Variants in CHRM4 observed in about 807,000 individuals in gnomAD.
The protein encoded by CHRM4 is cholinergic receptor muscarinic 4.
CHRM4 carries 5 observed loss-of-function variants against 26.3 expected under a neutral mutation model. That is an observed-to-expected ratio of 0.19 (90% CI 0.10 to 0.40). The LOEUF (loss-of-function observed/expected upper bound fraction) is 0.40. CHRM4 is among the 10% of genes least tolerant of loss of function. CHRM4 has a pLI of 1.00. For synonymous variants in CHRM4, 290 were observed against 285.3 expected (o/e 1.02, Z -0.16); for missense variants, 402 against 664.5 (o/e 0.60, Z 4.34).
Position 46,385,032 on chromosome 11 carries a change from G to A in CHRM4, c.*86C>T. The A allele has an allele frequency of 6.8e-7, 1 of 1,465,312 alleles. No homozygotes were observed. The highest frequency in any genetic ancestry group is 9.1e-7 in the Non-Finnish European group (1 of 1,101,484). 90.8% of individuals were successfully genotyped at this position (1,465,312 alleles called of 1,614,324 possible). The stretch of plus-strand genomic sequence containing the variant: ...CAAACGTGAACGCAGAATGGTGCCT[G>A]CAACTCTTCCCCACAGCAAGTGAGC... On this transcript the variant is annotated 3_prime_UTR_variant, in exon 2 of 2. Coordinates refer to ENST00000682254, the MANE Select transcript of CHRM4 (RefSeq NM_000741.5). The surrounding 1 kb of genome is among the most constrained non-coding windows in gnomAD (Gnocchi z 6.3).
At position 46,386,958 on chromosome 11, in the gene CHRM4, G is replaced by A. The variant is rs1476750876; in HGVS notation, c.-29-372C>T. 6.6e-6 allele frequency among the ~76,000 whole-genome samples: 1 copy of A among 152,256 alleles called. No individual in the cohort carries two copies. Among genetic ancestry groups the A allele is most frequent in the East Asian group, 1.9e-4 (1 of 5,198 alleles). On this transcript the variant is annotated intron_variant, in intron 1 of 1. Coordinates refer to ENST00000682254, the MANE Select transcript of CHRM4 (RefSeq NM_000741.5). This position sits in a 1 kb window ranked among gnomAD's most constrained non-coding sequence, Gnocchi z 5.8. Reference sequence around the variant, plus strand: ...TCACCCACCAGGTCATCTGGGTGATGAGGAGCCAGCCACAGGAGGAGCTGT... The same window carrying A: ...TCACCCACCAGGTCATCTGGGTGATAAGGAGCCAGCCACAGGAGGAGCTGT...
In CHRM4 at chr11:46,386,583, G is replaced by A. The variant is rs202199431; in HGVS notation, c.-26C>T. On this transcript the variant is annotated 5_prime_UTR_variant, in exon 2 of 2. In the 5' UTR this introduces an upstream ATG that the reference lacks. Coordinates refer to ENST00000682254, the MANE Select transcript of CHRM4 (RefSeq NM_000741.5). This position sits in a 1 kb window ranked among gnomAD's most constrained non-coding sequence, Gnocchi z 5.8. ...GTTGGTTGCCAGGGGTGGGTAGGCC[G>A]TGTCTGGGGAGGAAGGGGAGAGAAA... The A allele has an allele frequency of 3.7e-5, 59 of 1,601,490 alleles. No homozygotes were observed. The highest frequency in any genetic ancestry group is 1.7e-4 in the Middle Eastern group (1 of 6,050).
chr11:46,387,005 C>T (rs2136551008), intron 1 of CHRM4, among the ~76,000 whole-genome samples: 1 of 151,990 alleles, frequency 6.6e-6, no homozygotes, highest in African/African-American at 2.4e-5. Flanking sequence ...CTGCCAGGGG[C>T]AGTAGCCACA....
Position 46,386,090 on chromosome 11 carries a change from G to C in CHRM4, c.468C>G (p.Ala156=). The C allele has an allele frequency of 1.2e-6, 2 of 1,613,504 alleles. No homozygotes were observed. The highest frequency in any genetic ancestry group is 2.2e-5 in the East Asian group (1 of 44,878). Residue 156 remains alanine (A), a synonymous_variant, in exon 2 of 2, where the codon GCC becomes GCG. Coordinates refer to ENST00000682254, the MANE Select transcript of CHRM4 (RefSeq NM_000741.5). This position sits in a 1 kb window ranked among gnomAD's most constrained non-coding sequence, Gnocchi z 5.8. ...TKMAGLMIAA[A]WVLSFVLWAP... is the part of the protein sequence containing the mutation. The stretch of plus-strand genomic sequence containing the variant: ...CCCAGAGCACGAAGGACAGTACCCA[G>C]GCAGCAGCAATCATGAGGCCTGCCA...
In CHRM4 at chr11:46,384,091, C is replaced by T. The variant is rs974225989; in HGVS notation, c.*1027G>A. 1.3e-5 allele frequency among the ~76,000 whole-genome samples: 2 copies of T among 152,224 alleles called. No individual in the cohort carries two copies. Among genetic ancestry groups the T allele is most frequent in the Non-Finnish European group, 2.9e-5 (2 of 68,048 alleles). On this transcript the variant is annotated 3_prime_UTR_variant, in exon 2 of 2. Coordinates refer to ENST00000682254, the MANE Select transcript of CHRM4 (RefSeq NM_000741.5). The stretch of plus-strand genomic sequence containing the variant: ...GGGAACCTGGCTGACTCACTGGAAC[C>T]ACCACACCCATCTCAGCCTCACCCA...
rs1945300728 is a variant in CHRM4 at position 46,383,930 on chromosome 11, G to C, written c.*1188C>G. The C allele has an allele frequency of 3.2e-6, 1 of 314,196 alleles. No individual in the cohort carries two copies. The highest frequency in any genetic ancestry group is 6.2e-6 in the Non-Finnish European group (1 of 160,942). The allele number at this position is 314,196 out of a possible 1,614,324, so 19.5% of individuals were successfully genotyped here. A position where few individuals can be genotyped will look rare whatever the true frequency, so the allele number is the denominator to read the frequency against. On this transcript the variant is annotated 3_prime_UTR_variant, in exon 2 of 2. Transcript: ENST00000682254. ...ACTGGTGGGTTTCAGGGGGCTTGGTGGTGGGTGCTCTCCAGAGCTCATGGA... is the reference window on the plus strand; with the variant it reads ...ACTGGTGGGTTTCAGGGGGCTTGGTCGTGGGTGCTCTCCAGAGCTCATGGA...
At chr11:46,390,467 G>A (rs570159875) in intron 1 of CHRM4, among the ~76,000 whole-genome samples, 2 of 152,256 alleles carry the variant, frequency 1.3e-5, no homozygotes, top group Admixed American at 1.3e-4. Flanking sequence ...CCATTCTCGC[G>A]GCGAGAGGGC....
chr11:46,385,533 A>G lies in CHRM4; in HGVS notation c.1025T>C (p.Ile342Thr). The change falls in exon 2 of 2, where the codon ATC becomes ACC. Residue 342 changes from isoleucine to threonine, a missense_variant. Coordinates refer to ENST00000682254, the MANE Select transcript of CHRM4 (RefSeq NM_000741.5). The surrounding 1 kb of genome is among the most constrained non-coding windows in gnomAD (Gnocchi z 6.3). ...ALNPASRWSKIQIVTKQTGNE... is the reference protein window; with the variant it reads ...ALNPASRWSKTQIVTKQTGNE... ...GCCTGTCTGCTTCGTCACAATCTGG[A>G]TCTTGGACCATCTGGAGGCTGGGTT... The G allele has an allele frequency of 6.3e-7, 1 of 1,578,402 alleles. No homozygotes were observed. Among genetic ancestry groups the G allele is most frequent in the Non-Finnish European group, 8.7e-7 (1 of 1,156,068 alleles).
chr11:46,384,343 T>C lies in CHRM4; in HGVS notation c.*775A>G, dbSNP rs1945309430. On this transcript the variant is annotated 3_prime_UTR_variant, in exon 2 of 2. Transcript: ENST00000682254. ...GAGGTTTGAAGAGGGCAGATGGGAATGCCATCCACCACAGCCTCACCCTGA... is the reference window on the plus strand; with the variant it reads ...GAGGTTTGAAGAGGGCAGATGGGAACGCCATCCACCACAGCCTCACCCTGA... Among the ~76,000 whole-genome samples the C allele has an allele frequency of 6.6e-6, 1 of 152,182 alleles. No homozygotes were observed. Among genetic ancestry groups the C allele is most frequent in the Admixed American group, 6.5e-5 (1 of 15,288 alleles).
chr11:46,387,870 T>G (rs1035190956), intron 1 of CHRM4, among the ~76,000 whole-genome samples: 2 of 152,152 alleles, frequency 1.3e-5, no homozygotes, highest in African/African-American at 2.4e-5. Flanking sequence ...GAGGCCCAAC[T>G]GGGGACCCGT....
intron 1 of CHRM4, among the ~76,000 whole-genome samples, chr11:46,389,008 T>A (rs1256331947): frequency 6.6e-6 from 1 of 152,232 alleles, no homozygotes; most frequent in Non-Finnish European, 1.5e-5. Flanking sequence ...AAGGCAGGTA[T>A]TATTAGTGTC....
intron 1 of CHRM4, among the ~76,000 whole-genome samples, chr11:46,390,379 G>T (rs1009795698): frequency 6.6e-6 from 1 of 152,178 alleles, no homozygotes; most frequent in Non-Finnish European, 1.5e-5. Context: ...TGCGAGAGTC[G>T]CCCAACCTGG....
At chr11:46,387,945 C>T (rs760060547) in intron 1 of CHRM4, among the ~76,000 whole-genome samples, 1 of 152,216 alleles carries the variant, frequency 6.6e-6, no homozygotes, top group Non-Finnish European at 1.5e-5. Context: ...CCTCCACAGT[C>T]CACTCCGCAC....
chr11:46,388,279 G>A (rs949499330), intron 1 of CHRM4, among the ~76,000 whole-genome samples: 4 of 152,226 alleles, frequency 2.6e-5, no homozygotes, highest in Admixed American at 1.3e-4. Context: ...GCACTAACCC[G>A]CAGCCTGGGC....
chr11:46,385,232 G>T lies in CHRM4; in HGVS notation c.1326C>A (p.Cys442Ter), dbSNP rs373461890. The T allele has an allele frequency of 6.2e-7, 1 of 1,613,934 alleles. No homozygotes were observed. The highest frequency in any genetic ancestry group is 1.3e-5 in the African/African-American group (1 of 74,944). ...DTVWSIGYWL[C>*]YVNSTINPAC... Reference sequence around the variant, plus strand: ...CAGGGTTGATGGTGCTGTTGACGTAGCAGAGCCAGTAGCCAATGGACCACA... The same window carrying T: ...CAGGGTTGATGGTGCTGTTGACGTATCAGAGCCAGTAGCCAATGGACCACA... Residue 442 changes from cysteine to a stop codon, truncating the protein, a stop_gained, in exon 2 of 2, where the codon TGC becomes TGA. Coordinates refer to ENST00000682254, the MANE Select transcript of CHRM4 (RefSeq NM_000741.5). LOFTEE classifies it high-confidence loss of function. The surrounding 1 kb of genome is among the most constrained non-coding windows in gnomAD (Gnocchi z 6.3).
In CHRM4 at chr11:46,384,769, G is replaced by A. The variant is rs1338249839; in HGVS notation, c.*349C>T. Among the ~76,000 whole-genome samples, 2 of 152,234 alleles carry A rather than the reference G, an allele frequency of 1.3e-5. No individual in the cohort carries two copies. Among genetic ancestry groups the A allele is most frequent in the Non-Finnish European group, 2.9e-5 (2 of 68,040 alleles). On this transcript the variant is annotated 3_prime_UTR_variant, in exon 2 of 2. Transcript: ENST00000682254. ...AAGCACTGGCCCCTTTGTTCTTCCT[G>A]AGGGGGCCCTGGGCTTCGGCCCCCA...
In CHRM4 at chr11:46,385,486, C is replaced by T; in HGVS notation, c.1072G>A (p.Glu358Lys). The T allele has an allele frequency of 6.3e-7, 1 of 1,597,790 alleles. No individual in the cohort carries two copies. Among genetic ancestry groups the T allele is most frequent in the Non-Finnish European group, 8.6e-7 (1 of 1,167,198 alleles). ...QTGNECVTAI[E>K]IVPATPAGMR... ...CCAGCCGGCGTGGCAGGCACAATCT[C>T]AATGGCTGTCACACACTCATTGCCT... Residue 358 changes from glutamate (E) to lysine (K), a missense_variant, in exon 2 of 2, where the codon GAG (glutamate) becomes AAG (lysine). Physicochemically the swap from Glu to Lys is moderately conservative, Grantham distance 56. Coordinates refer to ENST00000682254, the MANE Select transcript of CHRM4 (RefSeq NM_000741.5). This position sits in a 1 kb window ranked among gnomAD's most constrained non-coding sequence, Gnocchi z 6.3.
rs1337973167 is a variant in CHRM4, at chr11:46,391,599, G to A, written c.-98C>T. On this transcript the variant is annotated 5_prime_UTR_variant, in exon 1 of 2. Transcript: ENST00000682254. This position sits in a 1 kb window ranked among gnomAD's most constrained non-coding sequence, Gnocchi z 6.3. Reference sequence around the variant, plus strand: ...TTCCCGGCGAGCCCCCCGCCCCCGCGCCGCCGCGGAGCCACTTACCCGCCG... The same window carrying A: ...TTCCCGGCGAGCCCCCCGCCCCCGCACCGCCGCGGAGCCACTTACCCGCCG... Among the ~76,000 whole-genome samples the A allele has an allele frequency of 2.6e-5, 4 of 151,702 alleles. No individual in the cohort carries two copies. Among genetic ancestry groups the A allele is most frequent in the Admixed American group, 1.3e-4 (2 of 15,240 alleles).
At position 46,385,589 on chromosome 11, in the gene CHRM4, C is replaced by T. The variant is rs1271995958; in HGVS notation, c.969G>A (p.Met323Ile). ...CCCGCGGCTGCAGGGGAGGGGCGGG[C>T]ATGGCGGGCGTGGTGGCCTCTGTGG... ...LSTTEATTPA[M>I]PAPPLQPRAL... Residue 323 changes from methionine to isoleucine, a missense_variant, in exon 2 of 2, where the codon ATG becomes ATA. Met to Ile is a conservative substitution (Grantham distance 10). Transcript: ENST00000682254. This position sits in a 1 kb window ranked among gnomAD's most constrained non-coding sequence, Gnocchi z 6.3. 2 of 1,552,028 alleles carry T rather than the reference C, an allele frequency of 1.3e-6. No individual in the cohort carries two copies. Among genetic ancestry groups the T allele is most frequent in the Admixed American group, 3.7e-5 (2 of 54,758 alleles).
Sources: allele counts gnomAD v4.1 joint callset (sites outside exome capture counted in the v4.1 genomes callset), GRCh38; gene constraint gnomAD v4.1.1; non-coding constraint Gnocchi (gnomAD v3.1); transcripts MANE v1.5; gene names NCBI Gene and HGNC (gene_info 2026-07-23, HGNC 2026-07-21).